Variants in SH3BP4 observed in about 807,000 individuals in gnomAD.
SH3BP4 encodes SH3 domain-binding protein 4.
In SH3BP4, 33 loss-of-function variants were observed where a neutral mutation model predicts 65.5. The observed-to-expected ratio is 0.50, with a 90% CI of 0.38 to 0.67. SH3BP4 has a LOEUF of 0.67. SH3BP4 is among the 30% of genes least tolerant of loss of function. SH3BP4 has a pLI of 0.00. For missense variants in SH3BP4, 1,134 were observed against 1,261.4 expected (o/e 0.90, Z 1.53); for synonymous variants, 552 against 545.5 (o/e 1.01, Z -0.17).
intron 2 of SH3BP4, among the ~76,000 whole-genome samples, chr2:235,007,263 G>A (rs1180067761): frequency 2.0e-5 from 3 of 152,064 alleles, no homozygotes; most frequent in East Asian, 1.9e-4. Context: ...GATGGCAGGT[G>A]GGGTCCAGAG....
rs138133847 is a variant in SH3BP4, at chr2:234,965,054, T to C, written c.-207+12884T>C. On this transcript the variant is annotated intron_variant, in intron 1 of 5. Transcript: ENST00000392011. The stretch of plus-strand genomic sequence containing the variant: ...CTCCCGGCCTGCTGTGAGATTCTTA[T>C]AAAATTGTCTCTGATTAATCACCCT... 1.8e-3 allele frequency among the ~76,000 whole-genome samples: 280 copies of C among 152,296 alleles called. 2 individuals are homozygous for C. Among genetic ancestry groups the C allele is most frequent in the African/African-American group, 6.4e-3 (264 of 41,562 alleles).
chr2:234,958,873 T>C (rs1345603958), intron 1 of SH3BP4, among the ~76,000 whole-genome samples: 3 of 151,774 alleles, frequency 2.0e-5, no homozygotes, highest in Non-Finnish European at 4.4e-5. Context: ...ATAAAAGAAA[T>C]TGGACCGTAT....
chr2:235,027,953 G>T (rs971665947), intron 2 of SH3BP4, among the ~76,000 whole-genome samples: 1 of 152,310 alleles, frequency 6.6e-6, no homozygotes, highest in South Asian at 2.1e-4. Context: ...GAGTCTATGC[G>T]TGGCGTGACA....
chr2:235,017,633 A>G (rs1304898915), intron 2 of SH3BP4, among the ~76,000 whole-genome samples: 2 of 152,026 alleles, frequency 1.3e-5, no homozygotes, highest in Non-Finnish European at 2.9e-5. Context: ...CTTTATCGAC[A>G]TGAGTGAGCA....
In SH3BP4 at chr2:235,035,026, G is replaced by A. The variant is rs200911804; in HGVS notation, c.24G>A (p.Ala8=). The A allele has an allele frequency of 8.7e-5, 141 of 1,614,050 alleles. No individual in the cohort carries two copies. The highest frequency in any genetic ancestry group is 2.0e-4 in the Admixed American group (12 of 60,020). The change falls in exon 3 of 6, where the codon GCG becomes GCA. Residue 8 remains alanine (A), a synonymous_variant. Transcript: ENST00000392011. This position sits in a 1 kb window ranked among gnomAD's most constrained non-coding sequence, Gnocchi z 5.0. MAAQRIR[A]ANSNGLPRCK... ...AGATGGCGGCTCAGCGGATCCGAGC[G>A]GCCAACTCCAATGGCCTCCCTCGCT...
chr2:234,991,920 G>A lies in SH3BP4; in HGVS notation c.-206-3383G>A, dbSNP rs1429446650. 1.3e-5 allele frequency among the ~76,000 whole-genome samples: 2 copies of A among 152,162 alleles called. No individual in the cohort carries two copies. The highest frequency in any genetic ancestry group is 4.8e-5 in the African/African-American group (2 of 41,430). On this transcript the variant is annotated intron_variant, in intron 1 of 5. Transcript: ENST00000392011. This position sits in a 1 kb window ranked among gnomAD's most constrained non-coding sequence, Gnocchi z 4.2. ...CTGGCGTCTCTGAGCCCCCTGTCAG[G>A]GCAGCTGGGTCCCCCCATACTTAGG...
chr2:235,033,993 G>A lies in SH3BP4; in HGVS notation c.-132-878G>A, dbSNP rs1273947485. Among the ~76,000 whole-genome samples the A allele has an allele frequency of 6.6e-6, 1 of 152,154 alleles. No individual in the cohort carries two copies. Among genetic ancestry groups the A allele is most frequent in the African/African-American group, 2.4e-5 (1 of 41,416 alleles). ...CTAAGTACTGTGGCCAGCTGTGAAAGTGTCTGCCAGTTTCTCTTGGAGAGC... is the reference window on the plus strand; with the variant it reads ...CTAAGTACTGTGGCCAGCTGTGAAAATGTCTGCCAGTTTCTCTTGGAGAGC... On this transcript the variant is annotated intron_variant, in intron 2 of 5. Coordinates refer to ENST00000392011, the MANE Select transcript of SH3BP4 (RefSeq NM_014521.3). This position sits in a 1 kb window ranked among gnomAD's most constrained non-coding sequence, Gnocchi z 5.7.
intron 2 of SH3BP4, among the ~76,000 whole-genome samples, chr2:235,020,600 A>G (rs1694822679): frequency 6.6e-6 from 1 of 152,220 alleles, no homozygotes; most frequent in Non-Finnish European, 1.5e-5. Flanking sequence ...GACAACATCC[A>G]AACCCAAATT....
chr2:235,034,924 G>A lies in SH3BP4; in HGVS notation c.-79G>A, dbSNP rs746258730. 5.9e-5 allele frequency: 74 copies of A among 1,254,394 alleles called. No individual in the cohort carries two copies. The highest frequency in any genetic ancestry group is 8.1e-5 in the Non-Finnish European group (70 of 864,638). The allele number at this position is 1,254,394 out of a possible 1,614,324, so 77.7% of individuals were successfully genotyped here. On this transcript the variant is annotated 5_prime_UTR_variant, in exon 3 of 6. Coordinates refer to ENST00000392011, the MANE Select transcript of SH3BP4 (RefSeq NM_014521.3). This position sits in a 1 kb window ranked among gnomAD's most constrained non-coding sequence, Gnocchi z 6.2. ...CCGCGCAGCGTGTTTGCTTGAGGCAGAAGCTTCAGCATCTGCTGGGATAAC... is the reference window on the plus strand; with the variant it reads ...CCGCGCAGCGTGTTTGCTTGAGGCAAAAGCTTCAGCATCTGCTGGGATAAC...
At position 235,040,925 on chromosome 2, in the gene SH3BP4, A is replaced by T. The variant is rs1695611857; in HGVS notation, c.156A>T (p.Thr52=). 5.0e-6 allele frequency: 8 copies of T among 1,613,760 alleles called. No individual in the cohort carries two copies. The highest frequency in any genetic ancestry group is 6.8e-6 in the Non-Finnish European group (8 of 1,179,810). The part of the protein sequence containing the change: ...SPSALLVDNP[T]PFGNAKEVIA... ...GTGCCTTGCTCGTAGACAACCCCAC[A>T]CCTTTCGGAAATGCAAAGGAAGTGA... Residue 52 remains threonine, a synonymous_variant, in exon 4 of 6, where the codon ACA becomes ACT. Transcript: ENST00000392011.
chr2:235,040,840 C>T (rs1695607904), intron 3 of SH3BP4, 48 bp from the exon 4 acceptor site: 2 of 1,543,222 alleles, frequency 1.3e-6, no homozygotes, highest in East Asian at 4.5e-5. Context: ...TCTCCGGACA[C>T]CCCGCCGGCC....
intron 4 of SH3BP4, among the ~76,000 whole-genome samples, chr2:235,048,699 A>G (rs2047310630): frequency 6.6e-6 from 1 of 152,202 alleles, no homozygotes; most frequent in Admixed American, 6.5e-5. Context: ...ATTCCTGTCA[A>G]TGGCGTTTTG....
At chr2:235,013,252 G>A (rs945197679) in intron 2 of SH3BP4, among the ~76,000 whole-genome samples, 1 of 152,168 alleles carries the variant, frequency 6.6e-6, no homozygotes, top group Non-Finnish European at 1.5e-5. Context: ...GGCCTGTGTG[G>A]TTCGCTGCCA....
At chr2:234,964,317 T>G (rs1462301669) in intron 1 of SH3BP4, among the ~76,000 whole-genome samples, 2 of 152,088 alleles carry the variant, frequency 1.3e-5, no homozygotes, top group East Asian at 1.9e-4. Context: ...CTTTTCTAAC[T>G]CTCTGGGACA....
At position 234,952,678 on chromosome 2, in the gene SH3BP4, C is replaced by T. The variant is rs1254633370; in HGVS notation, c.-207+508C>T. The T allele has an allele frequency of 6.6e-6, 1 of 152,204 alleles. No homozygotes were observed. The highest frequency in any genetic ancestry group is 1.5e-5 in the Non-Finnish European group (1 of 68,076). 9.4% of individuals were successfully genotyped at this position (152,204 alleles called of 1,614,324 possible). A position where few individuals can be genotyped will look rare whatever the true frequency, so the allele number is the denominator to read the frequency against. On this transcript the variant is annotated intron_variant, in intron 1 of 5. Coordinates refer to ENST00000392011, the MANE Select transcript of SH3BP4 (RefSeq NM_014521.3). The surrounding 1 kb of genome is among the most constrained non-coding windows in gnomAD (Gnocchi z 6.5). ...GAAGGACGCGCGGTCTCCGGTTAAA[C>T]TTGTTGGTGACAATGCATATTTCAA...
At chr2:235,036,740 A>AATAATAATAATAAT (rs1553567013) in intron 3 of SH3BP4, among the ~76,000 whole-genome samples, 48 of 141,772 alleles carry the variant, frequency 3.4e-4, no homozygotes, top group African/African-American at 1.2e-3. Context: ...TCTATATAAA[A>AATAATAATAATAAT]AATAATAATA....
chr2:235,042,148 T>C lies in SH3BP4; in HGVS notation c.1379T>C (p.Ile460Thr), dbSNP rs1430468145. The C allele has an allele frequency of 6.2e-7, 1 of 1,613,976 alleles. No individual in the cohort carries two copies. ...GCTGTCGTGGCCCATGGCCCAAGCATCCTCTACCCTTCCACCGTGTGGGAC... is the reference window on the plus strand; with the variant it reads ...GCTGTCGTGGCCCATGGCCCAAGCACCCTCTACCCTTCCACCGTGTGGGAC... ...YVAVVAHGPS[I>T]LYPSTVWDFI... Residue 460 changes from isoleucine to threonine, a missense_variant, in exon 4 of 6, where the codon ATC (isoleucine) becomes ACC (threonine). Transcript: ENST00000392011. This position sits in a 1 kb window ranked among gnomAD's most constrained non-coding sequence, Gnocchi z 7.3.
At chr2:234,965,640 G>A (rs1415314364) in intron 1 of SH3BP4, among the ~76,000 whole-genome samples, 1 of 152,196 alleles carries the variant, frequency 6.6e-6, no homozygotes, top group Non-Finnish European at 1.5e-5. Context: ...AAATTGTCTA[G>A]AAATTGGCTG....
At chr2:235,036,079 T>C (rs1294674359) in intron 3 of SH3BP4, among the ~76,000 whole-genome samples, 1 of 152,236 alleles carries the variant, frequency 6.6e-6, no homozygotes, top group African/African-American at 2.4e-5. Flanking sequence ...CCAGATAAAG[T>C]TGTAATCCTC....
Sources: gnomAD v4.1 joint callset for allele counts (sites outside exome capture counted in the v4.1 genomes callset) on GRCh38, gnomAD v4.1.1 for gene constraint, Gnocchi (gnomAD v3.1) non-coding constraint, MANE v1.5 for transcripts, NCBI Gene and HGNC (gene_info 2026-07-23, HGNC 2026-07-21) for gene names.